Variants in CNBD1 observed in about 807,000 individuals in gnomAD.
The protein encoded by CNBD1 is cyclic nucleotide-binding domain-containing protein 1.
CNBD1 carries 71 observed loss-of-function variants against 54.4 expected under a neutral mutation model. That is an observed-to-expected ratio of 1.30 (90% CI 1.08 to 1.59). The LOEUF is 1.59. Among genes scored for constraint, CNBD1 ranks in the 40% most tolerant of loss-of-function variants. The pLI is 0.00. For synonymous variants in CNBD1, 182 were observed against 170.7 expected (o/e 1.07, Z -0.51); for missense variants, 659 against 518.0 (o/e 1.27, Z -2.64).
intron 6 of CNBD1, among the ~76,000 whole-genome samples, chr8:87,282,322 A>G (rs1808616079): frequency 6.6e-6 from 1 of 151,642 alleles, no homozygotes; most frequent in Non-Finnish European, 1.5e-5. Context: ...AAATTATTAT[A>G]TATCAATAAT....
At chr8:87,152,191 G>A (rs1812618760) in intron 4 of CNBD1, among the ~76,000 whole-genome samples, 1 of 152,022 alleles carries the variant, frequency 6.6e-6, no homozygotes, top group African/African-American at 2.4e-5. Context: ...ATTTGGGGAG[G>A]AACTGGAGTT....
At chr8:87,340,854 G>T (rs1262483630) in intron 8 of CNBD1, among the ~76,000 whole-genome samples, 1 of 151,580 alleles carries the variant, frequency 6.6e-6, no homozygotes, top group East Asian at 1.9e-4. Flanking sequence ...TGAATTTTTT[G>T]TTGGGTAACT....
chr8:87,154,448 A>G (rs1812672817), intron 4 of CNBD1, among the ~76,000 whole-genome samples: 1 of 152,174 alleles, frequency 6.6e-6, no homozygotes, highest in Non-Finnish European at 1.5e-5. Flanking sequence ...AAGCACAAGG[A>G]ACAAGATTTG....
At position 86,891,739 on chromosome 8, in the gene CNBD1, G is replaced by C. The variant is rs145309973; in HGVS notation, c.158+4128G>C. Among the ~76,000 whole-genome samples the C allele has an allele frequency of 2.7e-3, 405 of 151,784 alleles. 3 individuals are homozygous for C. The highest frequency in any genetic ancestry group is 9.3e-3 in the African/African-American group (384 of 41,454). On this transcript the variant is annotated intron_variant, in intron 2 of 10. Coordinates refer to ENST00000518476, the MANE Select transcript of CNBD1 (RefSeq NM_173538.3). ...TGAACATGGATATCCTTCTATTTAC[G>C]TTTTCAATTTCTTTCATTAGTGTTT...
intron 4 of CNBD1, among the ~76,000 whole-genome samples, chr8:87,005,863 A>G (rs899206451): frequency 4.6e-5 from 7 of 152,212 alleles, no homozygotes; most frequent in Non-Finnish European, 8.8e-5. Flanking sequence ...GGGGTGCTCT[A>G]TCTTTCCTGA....
At chr8:87,409,027 A>G (rs983493233) in intron 2 of CNBD1, among the ~76,000 whole-genome samples, 10 of 152,116 alleles carry the variant, frequency 6.6e-5, no homozygotes, top group African/African-American at 2.4e-4. Context: ...TAAGTTTTCA[A>G]GTGAAAGGAA....
intron 4 of CNBD1, among the ~76,000 whole-genome samples, chr8:86,942,839 G>T (rs1807364625): frequency 6.6e-6 from 1 of 152,028 alleles, no homozygotes; most frequent in Non-Finnish European, 1.5e-5. Context: ...ATTAGCAATG[G>T]GGTTGTATGC....
chr8:87,114,104 T>G (rs1020634191), intron 4 of CNBD1, among the ~76,000 whole-genome samples: 3 of 152,168 alleles, frequency 2.0e-5, no homozygotes, highest in African/African-American at 7.2e-5. Flanking sequence ...TGAGCTACTA[T>G]TAGAATTTCC....
At chr8:87,007,024 C>A (rs1809116821) in intron 4 of CNBD1, among the ~76,000 whole-genome samples, 1 of 152,116 alleles carries the variant, frequency 6.6e-6, no homozygotes, top group African/African-American at 2.4e-5. Flanking sequence ...TGGCAAAACT[C>A]TGTCTCTACT....
chr8:87,177,403 T>C (rs921693233), intron 4 of CNBD1, among the ~76,000 whole-genome samples: 5 of 152,132 alleles, frequency 3.3e-5, no homozygotes, highest in Non-Finnish European at 5.9e-5. Flanking sequence ...TGGAAAAAAA[T>C]TGGGAGATGG....
chr8:87,423,941 C>T (rs1448456191), intron 2 of CNBD1, among the ~76,000 whole-genome samples: 4 of 152,178 alleles, frequency 2.6e-5, no homozygotes, highest in South Asian at 2.1e-4. Context: ...TTGATTATTG[C>T]CACAATTTCA....
intron 4 of CNBD1, among the ~76,000 whole-genome samples, chr8:87,032,569 G>A (rs1057401189): frequency 7.9e-5 from 12 of 152,122 alleles, no homozygotes; most frequent in Non-Finnish European, 1.6e-4. Context: ...GCTGTCTCAG[G>A]GGTGGCACAG....
chr8:87,224,020 T>A (rs1275094810), intron 5 of CNBD1, among the ~76,000 whole-genome samples: 1 of 152,012 alleles, frequency 6.6e-6, no homozygotes, highest in Non-Finnish European at 1.5e-5. Flanking sequence ...TCATGTGTTT[T>A]TTGGCTGCAT....
chr8:87,298,291 A>G (rs1808918309), intron 8 of CNBD1, among the ~76,000 whole-genome samples: 1 of 151,970 alleles, frequency 6.6e-6, no homozygotes, highest in Non-Finnish European at 1.5e-5. Flanking sequence ...AATCTTAAGT[A>G]TTCCCCTCCC....
At chr8:87,331,074 G>A (rs967548595) in intron 8 of CNBD1, among the ~76,000 whole-genome samples, 2 of 151,900 alleles carry the variant, frequency 1.3e-5, no homozygotes, top group Non-Finnish European at 1.5e-5. Flanking sequence ...TTTACTTTAA[G>A]TTCGAGGATA....
At chr8:87,387,871 G>A (rs1214016536) in intron 2 of CNBD1, among the ~76,000 whole-genome samples, 1 of 152,134 alleles carries the variant, frequency 6.6e-6, no homozygotes, top group South Asian at 2.1e-4. Context: ...GCACTCCTCA[G>A]CAAGTGTAGA....
intron 4 of CNBD1, among the ~76,000 whole-genome samples, chr8:87,032,758 T>G (rs985802414): frequency 6.6e-6 from 1 of 152,220 alleles, no homozygotes; most frequent in Non-Finnish European, 1.5e-5. Context: ...AAGATCAATG[T>G]CATAAAAGAG....
At chr8:87,092,920 C>T (rs2130682422) in intron 4 of CNBD1, among the ~76,000 whole-genome samples, 1 of 152,236 alleles carries the variant, frequency 6.6e-6, no homozygotes, top group South Asian at 2.1e-4. Flanking sequence ...CGAAATTGCT[C>T]CTCCCACAGT....
chr8:87,223,236 T>A (rs1406960797), intron 5 of CNBD1, among the ~76,000 whole-genome samples: 1 of 150,414 alleles, frequency 6.6e-6, no homozygotes, highest in Non-Finnish European at 1.5e-5. Context: ...TAATTTTTAT[T>A]TATTTATTTA....
Sources: allele counts gnomAD v4.1 joint callset (sites outside exome capture counted in the v4.1 genomes callset), GRCh38; gene constraint gnomAD v4.1.1; transcripts MANE v1.5; gene names NCBI Gene and HGNC (gene_info 2026-07-23, HGNC 2026-07-21).